Variants in CDRT4 observed in about 807,000 individuals in gnomAD.
CDRT4 encodes CMT1A duplicated region transcript 4.
For synonymous variants in CDRT4, 64 were observed against 69.6 expected (o/e 0.92, Z 0.40); for missense variants, 167 against 193.1 (o/e 0.87, Z 0.80).
intron 2 of CDRT4, among the ~76,000 whole-genome samples, chr17:15,446,894 C>T (rs962817910): frequency 5.9e-5 from 9 of 152,166 alleles, no homozygotes; most frequent in Non-Finnish European, 1.3e-4. Flanking sequence ...ATGGTGAAAA[C>T]GCAGTTCAAG....
At chr17:15,463,038 T>TG (rs1294166193) in intron 1 of CDRT4, among the ~76,000 whole-genome samples, 2 of 151,960 alleles carry the variant, frequency 1.3e-5, no homozygotes, top group Non-Finnish European at 2.9e-5. Flanking sequence ...TGGACAGGAA[T>TG]GGAACAAAAA....
chr17:15,440,970 A>C (rs1230530992), intron 2 of CDRT4, among the ~76,000 whole-genome samples: 1 of 152,190 alleles, frequency 6.6e-6, no homozygotes, highest in African/African-American at 2.4e-5. Flanking sequence ...AAGAAAAAAA[A>C]ACTACTGGAG....
intron 2 of CDRT4, among the ~76,000 whole-genome samples, chr17:15,451,328 C>T (rs1313763351): frequency 6.6e-6 from 1 of 152,184 alleles, no homozygotes; most frequent in Non-Finnish European, 1.5e-5. Context: ...AAACCTCTTT[C>T]CTTTATAAAT....
intron 2 of CDRT4, among the ~76,000 whole-genome samples, chr17:15,451,976 G>C (rs1979283355): frequency 6.6e-6 from 1 of 152,182 alleles, no homozygotes; most frequent in Admixed American, 6.5e-5. Flanking sequence ...GGACGTTACT[G>C]CAATTGCCAT....
intron 2 of CDRT4, among the ~76,000 whole-genome samples, chr17:15,442,490 G>A (rs1978813588): frequency 1.3e-5 from 2 of 152,052 alleles, no homozygotes; most frequent in South Asian, 2.1e-4. Flanking sequence ...GTGGAAATAT[G>A]TTTCAGCTGG....
chr17:15,459,451 T>C (rs866847174), intron 1 of CDRT4, among the ~76,000 whole-genome samples: 1,990 of 144,314 alleles, frequency 0.014, 43 homozygotes, highest in African/African-American at 0.048. Flanking sequence ...TTTTTTTTTT[T>C]TTTTTTTTTG....
intron 1 of CDRT4, among the ~76,000 whole-genome samples, chr17:15,454,929 C>T (rs1306705233): frequency 2.0e-5 from 3 of 152,134 alleles, no homozygotes; most frequent in Non-Finnish European, 4.4e-5. Flanking sequence ...CCATAAGGAG[C>T]TTTGTAACCG....
intron 2 of CDRT4, chr17:15,444,286 T>C (rs1290862995): frequency 6.1e-6 from 3 of 495,124 alleles, no homozygotes; most frequent in Non-Finnish European, 1.1e-5. Flanking sequence ...ACCTATTGAT[T>C]TGGAAAAAAA....
At chr17:15,452,198 C>G (rs1979292267) in intron 2 of CDRT4, among the ~76,000 whole-genome samples, 2 of 152,242 alleles carry the variant, frequency 1.3e-5, no homozygotes, top group African/African-American at 4.8e-5. Flanking sequence ...AATCCTAGCA[C>G]TGCTCTTTAC....
chr17:15,442,876 G>A (rs1978833835), intron 2 of CDRT4, among the ~76,000 whole-genome samples: 2 of 152,216 alleles, frequency 1.3e-5, no homozygotes, highest in Non-Finnish European at 2.9e-5. Context: ...GAAGCTGTGG[G>A]CTTTTATAAT....
chr17:15,439,532 T>C (rs1442566278), intron 3 of CDRT4, among the ~76,000 whole-genome samples: 1 of 152,202 alleles, frequency 6.6e-6, no homozygotes, highest in African/African-American at 2.4e-5. Context: ...TCTTGTGGGA[T>C]AGGGCATTTG....
intron 1 of CDRT4, among the ~76,000 whole-genome samples, chr17:15,454,137 A>G (rs964458866): frequency 6.6e-6 from 1 of 152,134 alleles, no homozygotes; most frequent in Non-Finnish European, 1.5e-5. Context: ...AGGTCAGAAG[A>G]CATGCTCAGG....
At chr17:15,457,296 C>T (rs1433311937) in intron 1 of CDRT4, among the ~76,000 whole-genome samples, 1 of 152,200 alleles carries the variant, frequency 6.6e-6, no homozygotes. Context: ...CACTGCAAGC[C>T]CTGACCTTCC....
chr17:15,440,145 G>C, intron 3 of CDRT4, 63 bp downstream of exon 3: 1 of 1,524,452 alleles, frequency 6.6e-7, no homozygotes, highest in Non-Finnish European at 8.8e-7. Context: ...TTCCCACTGC[G>C]AATCCTCCAA....
chr17:15,442,687 G>A lies in CDRT4; in HGVS notation c.-47-2402C>T, dbSNP rs150093565. On this transcript the variant is annotated intron_variant, in intron 2 of 3. Transcript: ENST00000619038. ...CTCACCTGACCCCTACAGCTGTGCC[G>A]TGTGGCTGATAGGACAAGTCTACGA... is the stretch of plus-strand genomic sequence containing the variant. Among the ~76,000 whole-genome samples, 924 of 152,260 alleles carry A rather than the reference G, an allele frequency of 6.1e-3. 8 individuals are homozygous for A. The highest frequency in any genetic ancestry group is 0.021 in the African/African-American group (879 of 41,560).
chr17:15,444,064 T>G, intron 2 of CDRT4: 1 of 989,066 alleles, frequency 1.0e-6, no homozygotes, highest in East Asian at 2.5e-5. Flanking sequence ...GGAAACAACA[T>G]TGAGCTTGTT....
At position 15,436,641 on chromosome 17, in the gene CDRT4, T is replaced by G. The variant is rs1978500790; in HGVS notation, c.*1132A>C. 1 of 152,162 alleles carries G rather than the reference T, an allele frequency of 6.6e-6. No homozygotes were observed. Among genetic ancestry groups the G allele is most frequent in the South Asian group, 2.1e-4 (1 of 4,826 alleles). The allele number at this position is 152,162 out of a possible 1,614,324, so 9.4% of individuals were successfully genotyped here. ...GGAGCTCCTCCCCCAAGCACTTGGT[T>G]CCACAAGGCAAACCCCAGAGAAGTA... On this transcript the variant is annotated 3_prime_UTR_variant, in exon 4 of 4. Transcript: ENST00000619038.
chr17:15,463,871 G>A (rs1244971491), intron 1 of CDRT4, among the ~76,000 whole-genome samples: 1 of 152,216 alleles, frequency 6.6e-6, no homozygotes, highest in Non-Finnish European at 1.5e-5. Context: ...CAAGGCTGGG[G>A]TCTGGCCAGG....
intron 2 of CDRT4, among the ~76,000 whole-genome samples, chr17:15,452,792 A>G (rs7223838): frequency 0.056 from 8,597 of 152,268 alleles, 539 homozygotes; most frequent in South Asian, 0.24. Flanking sequence ...CAAGTATCTT[A>G]TCTGAACCTT....
Sources: allele counts gnomAD v4.1 joint callset (sites outside exome capture counted in the v4.1 genomes callset), GRCh38; gene constraint gnomAD v4.1.1; transcripts MANE v1.5; gene names NCBI Gene and HGNC (gene_info 2026-07-23, HGNC 2026-07-21).